Variants in KIAA1671 observed in about 807,000 individuals in gnomAD.
The protein encoded by KIAA1671 is uncharacterized protein KIAA1671.
In KIAA1671, 52 loss-of-function variants were observed where a neutral mutation model predicts 131.2. The observed-to-expected ratio is 0.40, with a 90% confidence interval of 0.32 to 0.50. The LOEUF (loss-of-function observed/expected upper bound fraction) is 0.50. KIAA1671 is among the 20% of genes least tolerant of loss of function. The pLI is 0.73. For synonymous variants in KIAA1671, 1,003 were observed against 961.6 expected (o/e 1.04, Z -0.80); for missense variants, 2,360 against 2,364.2 (o/e 1.00, Z 0.04).
chr22:25,093,761 TCTCTCTGTCTC>T (rs1930201056), intron 6 of KIAA1671, among the ~76,000 whole-genome samples: 4 of 114,774 alleles, frequency 3.5e-5, no homozygotes, highest in African/African-American at 1.4e-4. Flanking sequence ...TCTCTCTCTC[TCTCTCTGTCTC>T]TCTCTCTCTC....
At chr22:24,988,694 C>T (rs1473032858) in intron 1 of KIAA1671, among the ~76,000 whole-genome samples, 15 of 148,770 alleles carry the variant, frequency 1.0e-4, no homozygotes, top group Non-Finnish European at 4.4e-5. Context: ...CAAGATGACA[C>T]CACTGCACTC....
intron 6 of KIAA1671, among the ~76,000 whole-genome samples, chr22:25,066,842 A>C (rs573399381): frequency 1.1e-4 from 16 of 152,176 alleles, no homozygotes; most frequent in African/African-American, 3.9e-4. Flanking sequence ...GTGGGAGGGA[A>C]CAGGTTGGAT....
chr22:25,038,575 C>T (rs1926739208), intron 4 of KIAA1671, among the ~76,000 whole-genome samples, 185 bp from the exon 5 acceptor site: 1 of 152,194 alleles, frequency 6.6e-6, no homozygotes, highest in African/African-American at 2.4e-5. Context: ...TATGTTCTCT[C>T]CAACAGTATC....
chr22:24,965,074 TAA>T (rs1383091976), intron 1 of KIAA1671, among the ~76,000 whole-genome samples: 1 of 148,750 alleles, frequency 6.7e-6, no homozygotes, highest in Non-Finnish European at 1.5e-5. Context: ...CAACCATTTA[TAA>T]AGTCTCTGGC....
intron 3 of KIAA1671, among the ~76,000 whole-genome samples, chr22:25,030,879 T>C (rs746642024): frequency 1.1e-4 from 16 of 152,204 alleles, no homozygotes; most frequent in Non-Finnish European, 2.2e-4. Context: ...CTCCCGGCCC[T>C]GGGAACCAGG....
chr22:25,187,800 A>G (rs921989017), intron 11 of KIAA1671, among the ~76,000 whole-genome samples: 3 of 152,176 alleles, frequency 2.0e-5, no homozygotes, highest in Non-Finnish European at 4.4e-5. Flanking sequence ...GCCTGGCCTG[A>G]CTTTATTGTT....
intron 1 of KIAA1671, among the ~76,000 whole-genome samples, chr22:24,983,267 A>G (rs1018722134): frequency 3.9e-5 from 6 of 152,278 alleles, no homozygotes; most frequent in African/African-American, 1.4e-4. Context: ...TCTTGAGGCT[A>G]ATAGTGTCCT....
chr22:24,977,385 C>T (rs566402645), intron 1 of KIAA1671, among the ~76,000 whole-genome samples: 23 of 152,308 alleles, frequency 1.5e-4, no homozygotes, highest in East Asian at 9.6e-4. Context: ...TCCCCCAGAG[C>T]CTTGATAAAC....
At chr22:25,157,932 C>G (rs193119851) in intron 6 of KIAA1671, among the ~76,000 whole-genome samples, 284 of 152,192 alleles carry the variant, frequency 1.9e-3, no homozygotes, top group Middle Eastern at 3.4e-3. Flanking sequence ...TGCCTTTCTC[C>G]TGCCTCAGCC....
At chr22:24,989,986 T>C (rs1923752945) in intron 1 of KIAA1671, among the ~76,000 whole-genome samples, 1 of 152,132 alleles carries the variant, frequency 6.6e-6, no homozygotes, top group Non-Finnish European at 1.5e-5. Context: ...AAAAACATAT[T>C]CTTTTGATAG....
At position 25,040,795 on chromosome 22, in the gene KIAA1671, G is replaced by A; in HGVS notation, c.3665G>A (p.Arg1222Lys). The A allele has an allele frequency of 6.4e-7, 1 of 1,551,778 alleles. No individual in the cohort carries two copies. Among genetic ancestry groups the A allele is most frequent in the Non-Finnish European group, 8.7e-7 (1 of 1,147,022 alleles). Reference sequence around the variant, plus strand: ...AAAGTCCCTGGGGAGGCTCAGGAGAGGAGGAGTCCCACCGTGGAGCCCAGT... The same window carrying A: ...AAAGTCCCTGGGGAGGCTCAGGAGAAGAGGAGTCCCACCGTGGAGCCCAGT... ...SLKVPGEAQE[R>K]RSPTVEPSTL... Residue 1222 changes from arginine (R) to lysine (K), a missense_variant, in exon 5 of 13, where the codon AGG becomes AAG. This residue lies in a region of KIAA1671 where 1,161 missense variants were observed against 1,204.7 expected (regional missense o/e 0.96). Transcript: ENST00000358431.
intron 1 of KIAA1671, among the ~76,000 whole-genome samples, chr22:24,979,507 G>A (rs1055650419): frequency 6.6e-6 from 1 of 150,950 alleles, no homozygotes; most frequent in South Asian, 2.1e-4. Context: ...CTGCCACCGC[G>A]CCCGGCTAAT....
rs184687147 is a variant in KIAA1671, at chr22:24,970,350, G to A, written c.-208+17578G>A. On this transcript the variant is annotated intron_variant, in intron 1 of 12. Transcript: ENST00000358431. ...GGCCAGAGAGAGGAAAGGGCTGGGG[G>A]AGCCATAGGGCAGGGCAGGTCATGG... is the stretch of plus-strand genomic sequence containing the variant. Among the ~76,000 whole-genome samples the A allele has an allele frequency of 2.0e-5, 3 of 152,302 alleles. No individual in the cohort carries two copies. The East Asian group carries it at 5.8e-4, about 29-fold the overall frequency.
In KIAA1671 at chr22:25,006,358, T is replaced by C. The variant is rs536468011; in HGVS notation, c.-207-19275T>C. Among the ~76,000 whole-genome samples the C allele has an allele frequency of 5.0e-4, 76 of 152,206 alleles. 4 individuals are homozygous for C. The South Asian group carries it at 0.016, about 32-fold the overall frequency. On this transcript the variant is annotated intron_variant, in intron 1 of 12. Transcript: ENST00000358431. ...TAATGACATTTTAAATGAGCTGATATTTAAATTTTAGTAAATACATGGGAA... is the reference window on the plus strand; with the variant it reads ...TAATGACATTTTAAATGAGCTGATACTTAAATTTTAGTAAATACATGGGAA...
chr22:25,028,678 A>G lies in KIAA1671; in HGVS notation c.679A>G (p.Thr227Ala). ...PPSKASSVED[T>A]ARPLVEPRPR... ...CTCAAAGGCCAGCAGTGTGGAGGAC[A>G]CGGCACGCCCCCTTGTGGAGCCCAG... Residue 227 changes from threonine (T) to alanine (A), a missense_variant, in exon 3 of 13, where the codon ACG becomes GCG. By Grantham distance (58) the Thr-to-Ala change is moderately conservative. Coordinates refer to ENST00000358431, the MANE Select transcript of KIAA1671 (RefSeq NM_001145206.2). 9.7e-6 allele frequency: 15 copies of G among 1,551,138 alleles called. No homozygotes were observed. In the South Asian group the frequency reaches 1.5e-4, roughly 16 times the overall value.
At chr22:25,102,854 C>A (rs73399820) in intron 6 of KIAA1671, 1 of 152,556 alleles carries the variant, frequency 6.6e-6, no homozygotes, top group African/African-American at 2.4e-5. Flanking sequence ...ATGACTCAGG[C>A]GATGCAGGCC....
In KIAA1671 at chr22:25,019,050, T is replaced by TTGTGTGTGTG. The variant is rs377368958; in HGVS notation, c.-207-6549_-207-6540dup. ...CTTCACATCCTCTCCAATAGTTGTTTTGTGTGTGTGTGTGTGTGTGTGTGT... is the reference window on the plus strand; with the variant it reads ...CTTCACATCCTCTCCAATAGTTGTTTTGTGTGTGTGTGTGTGTGTGTGTGTGTGTGTGTGT... On this transcript the variant is annotated intron_variant, in intron 1 of 12. Coordinates refer to ENST00000358431, the MANE Select transcript of KIAA1671 (RefSeq NM_001145206.2). Among the ~76,000 whole-genome samples the TTGTGTGTGTG allele has an allele frequency of 7.1e-3, 1,019 of 144,196 alleles. 13 individuals are homozygous for TTGTGTGTGTG. The highest frequency in any genetic ancestry group is 0.023 in the African/African-American group (879 of 38,298). The allele number at this position is 144,196 out of a possible 152,430, so 94.6% of individuals were successfully genotyped here.
In KIAA1671 at chr22:25,030,958, G is replaced by A. The variant is rs115511616; in HGVS notation, c.1541+1418G>A. 2.6e-3 allele frequency among the ~76,000 whole-genome samples: 400 copies of A among 152,360 alleles called. 1 individual carries two copies. The highest frequency in any genetic ancestry group is 9.1e-3 in the African/African-American group (378 of 41,588). On this transcript the variant is annotated intron_variant, in intron 3 of 12. Transcript: ENST00000358431. The stretch of plus-strand genomic sequence containing the variant: ...TAGAATAACCGGAAAAAATACCAGT[G>A]CCTGGGCCCCACCCCTAGAGATTCC...
intron 7 of KIAA1671, among the ~76,000 whole-genome samples, chr22:25,174,029 C>T (rs1933936786): frequency 6.6e-6 from 1 of 152,140 alleles, no homozygotes; most frequent in Admixed American, 6.5e-5. Context: ...CTGCACCTGG[C>T]CAGGTGTTCC....
Sources: gnomAD v4.1 joint callset for allele counts (sites outside exome capture counted in the v4.1 genomes callset) on GRCh38, gnomAD v4.1.1 for gene constraint, gnomAD v4.1.1 regional missense constraint, MANE v1.5 for transcripts, NCBI Gene and HGNC (gene_info 2026-07-23, HGNC 2026-07-21) for gene names.